Variants in SLC35D1 observed in about 807,000 individuals in gnomAD.
SLC35D1 encodes the protein solute carrier family 35 member D1.
A neutral mutation model predicts 46.7 loss-of-function variants in SLC35D1; 31 were observed. The observed-to-expected ratio is 0.66, with a 90% CI of 0.50 to 0.90. SLC35D1 has a LOEUF of 0.90. Ranked by LOEUF, SLC35D1 falls within the 40% of genes least tolerant of loss-of-function variation. The pLI is 0.00. For synonymous variants in SLC35D1, 195 were observed against 164.6 expected (o/e 1.18, Z -1.41); for missense variants, 397 against 426.2 (o/e 0.93, Z 0.60).
At chr1:66,990,702 ATAGT>A in the SLC35D1 span, among the ~76,000 whole-genome samples, 307 of 152,324 alleles carry the variant, frequency 2.0e-3, 4 homozygotes, top group Admixed American at 1.5e-3. Context: ...GTGTATATGT[ATAGT>A]TAGTTAGGAA....
chr1:66,986,411 C>G, the SLC35D1 span: 1 of 1,613,060 alleles, frequency 6.2e-7, no homozygotes, highest in African/African-American at 1.3e-5. Flanking sequence ...AGGCATACTC[C>G]AAATGCTTCT....
chr1:67,047,445 T>C, intron 6 of SLC35D1, 78 bp from the exon 7 acceptor site: 1 of 1,189,252 alleles, frequency 8.4e-7, no homozygotes. Flanking sequence ...GCTAAAATAT[T>C]TACAAGAACA....
chr1:67,013,144 CAT>C (rs201262592), intron 10 of SLC35D1, among the ~76,000 whole-genome samples: 496 of 10,494 alleles, frequency 0.047, 32 homozygotes, highest in African/African-American at 0.24. Flanking sequence ...AATTTAAGAA[CAT>C]ATATCCTGGA....
downstream of SLC35D1, among the ~76,000 whole-genome samples, chr1:66,995,201 A>G (rs952091800): frequency 6.6e-6 from 1 of 152,034 alleles, no homozygotes; most frequent in Non-Finnish European, 1.5e-5. Flanking sequence ...AGTTCAACTT[A>G]GTCACGCTGG....
At chr1:66,990,527 A>AAAGT in the SLC35D1 span, among the ~76,000 whole-genome samples, 1 of 152,030 alleles carries the variant, frequency 6.6e-6, no homozygotes, top group East Asian at 1.9e-4. Flanking sequence ...CCAGCCTCCC[A>AAAGT]AAGTGTTGGG....
the SLC35D1 span, among the ~76,000 whole-genome samples, chr1:66,983,615 ATTTAC>A: frequency 5.3e-5 from 8 of 151,442 alleles, no homozygotes; most frequent in Middle Eastern, 0.017. Flanking sequence ...AGTAATTTGT[ATTTAC>A]TTAAGTAAAT....
chr1:67,043,624 A>G (rs986997237), intron 7 of SLC35D1, among the ~76,000 whole-genome samples: 1 of 152,206 alleles, frequency 6.6e-6, no homozygotes, highest in Non-Finnish European at 1.5e-5. Context: ...TCAGGCCTAG[A>G]CCAATACCAA....
At chr1:66,983,582 A>G in the SLC35D1 span, among the ~76,000 whole-genome samples, 7 of 152,282 alleles carry the variant, frequency 4.6e-5, no homozygotes, top group Non-Finnish European at 8.8e-5. Context: ...CTCACCTACT[A>G]TAGAATTTGT....
At position 67,047,598 on chromosome 1, in the gene SLC35D1, G is replaced by A. The variant is rs76885353; in HGVS notation, c.534-231C>T. Among the ~76,000 whole-genome samples the A allele has an allele frequency of 7.6e-4, 115 of 152,224 alleles. 1 individual carries two copies. The East Asian group carries it at 0.02, about 27-fold the overall frequency. On this transcript the variant is annotated intron_variant, in intron 6 of 11. Coordinates refer to ENST00000235345, the MANE Select transcript of SLC35D1 (RefSeq NM_015139.3). ...AACATTTAAACACATAATTAGCAAC[G>A]GTCATTCATGTCATTTAATAGCACA...
the SLC35D1 span, among the ~76,000 whole-genome samples, chr1:66,980,589 CCTT>C: frequency 2.0e-4 from 31 of 152,154 alleles, no homozygotes; most frequent in Admixed American, 1.7e-3. Flanking sequence ...TCCACTGTTT[CCTT>C]CTTATTTACC....
Position 67,001,026 on chromosome 1 carries a change from A to G in SLC35D1, c.*3314T>C, listed in dbSNP as rs1171017080. 6.6e-6 allele frequency: 1 copy of G among 152,324 alleles called. No individual in the cohort carries two copies. Among genetic ancestry groups the G allele is most frequent in the Non-Finnish European group, 1.5e-5 (1 of 68,054 alleles). The allele number at this position is 152,324 out of a possible 1,614,324, so 9.4% of individuals were successfully genotyped here. On this transcript the variant is annotated 3_prime_UTR_variant, in exon 12 of 12. Transcript: ENST00000235345. ...TCTCCCACTCAGGGTCCAGGTTTCC[A>G]TATCTGGCTAAAGAATTACACACTC... is the stretch of plus-strand genomic sequence containing the variant.
At chr1:67,007,158 A>G (rs1395370462) in intron 11 of SLC35D1, among the ~76,000 whole-genome samples, 1 of 152,154 alleles carries the variant, frequency 6.6e-6, no homozygotes, top group Non-Finnish European at 1.5e-5. Flanking sequence ...TATAATTATA[A>G]ACGTCTTACT....
At chr1:66,986,619 A>G in the SLC35D1 span, 13 of 656,438 alleles carry the variant, frequency 2.0e-5, no homozygotes. Flanking sequence ...CAATGTGAAC[A>G]ACTTTTTTTC....
downstream of SLC35D1, among the ~76,000 whole-genome samples, chr1:66,995,890 A>G (rs112265880): frequency 6.6e-6 from 1 of 152,226 alleles, no homozygotes; most frequent in Non-Finnish European, 1.5e-5. Context: ...ACCGAAAAAA[A>G]TTATCTGAAG....
At chr1:67,021,186 C>T (rs980043322) in intron 9 of SLC35D1, among the ~76,000 whole-genome samples, 13 of 152,214 alleles carry the variant, frequency 8.5e-5, no homozygotes. Context: ...AATTCAAATG[C>T]TGCCACTGCC....
chr1:67,009,013 G>T, intron 11 of SLC35D1, 72 bp downstream of exon 11: 1 of 747,946 alleles, frequency 1.3e-6, no homozygotes. Context: ...TAATTTAATA[G>T]CCTAACCTTA....
At chr1:66,976,574 G>A in the SLC35D1 span, 1 of 1,539,868 alleles carries the variant, frequency 6.5e-7, no homozygotes, top group Admixed American at 2.2e-5. Context: ...ATTCTTAAAA[G>A]CAAGCATTTG....
rs1358509503 is a variant in SLC35D1 at position 67,021,606 on chromosome 1, C to G, written c.730-4G>C. 6.2e-7 allele frequency: 1 copy of G among 1,613,238 alleles called. No individual in the cohort carries two copies. The highest frequency in any genetic ancestry group is 1.1e-5 in the South Asian group (1 of 91,056). ...CCCAGCCTTCAAACTCCACAGCCTG[C>G]AACACACAAGAAAGCATTAAATTTT... On this transcript the variant is annotated splice_polypyrimidine_tract_variant and splice_region_variant and intron_variant, in intron 8 of 11. Coordinates refer to ENST00000235345, the MANE Select transcript of SLC35D1 (RefSeq NM_015139.3).
chr1:67,047,390 T>C, intron 6 of SLC35D1, 23 bp from the exon 7 acceptor site: 6 of 1,572,876 alleles, frequency 3.8e-6, no homozygotes, highest in South Asian at 1.1e-5. Context: ...AGCAACACTT[T>C]AAGAACAACT....
Sources: allele counts gnomAD v4.1 joint callset (sites outside exome capture counted in the v4.1 genomes callset), GRCh38; gene constraint gnomAD v4.1.1; transcripts MANE v1.5; gene names NCBI Gene and HGNC (gene_info 2026-07-23, HGNC 2026-07-21).